The following IGF1 variants were observed in gnomAD, a reference collection of about 807,000 sequenced individuals.
IGF1 encodes the protein insulin like growth factor 1.
Under a neutral mutation model 13.8 loss-of-function variants are expected in IGF1, and 4 were observed. The observed-to-expected ratio is 0.29, with a 90% CI of 0.14 to 0.66. The LOEUF is 0.66. Ranked by LOEUF, IGF1 falls within the 30% of genes least tolerant of loss-of-function variation. The probability of loss-of-function intolerance (pLI) is 0.78; values close to 1 mark genes in which losing one functional copy is unlikely to be tolerated. For missense variants in IGF1, 124 were observed against 188.5 expected (o/e 0.66, Z 2.00); for synonymous variants, 76 against 72.6 (o/e 1.05, Z -0.23).
chr12:102,477,997 CTTTTT>C (rs66470486), intron 1 of IGF1, among the ~76,000 whole-genome samples: 1 of 127,506 alleles, frequency 7.8e-6, no homozygotes. Context: ...TTCTCTTTTT[CTTTTT>C]TTTTTTTTTT....
intron 2 of IGF1, among the ~76,000 whole-genome samples, chr12:102,422,799 T>C (rs1363717769): frequency 6.6e-6 from 1 of 152,238 alleles, no homozygotes; most frequent in African/African-American, 2.4e-5. Flanking sequence ...CTTGAGAAAC[T>C]CTTCATTAGG....
intron 2 of IGF1, among the ~76,000 whole-genome samples, chr12:102,445,005 A>G (rs1174057620): frequency 6.6e-6 from 1 of 151,964 alleles, no homozygotes; most frequent in East Asian, 1.9e-4. Context: ...TCCTTTCCCC[A>G]TTGCTTGTTT....
chr12:102,472,596 A>T (rs1037104350), intron 2 of IGF1, among the ~76,000 whole-genome samples: 6 of 152,204 alleles, frequency 3.9e-5, no homozygotes, highest in Non-Finnish European at 8.8e-5. Context: ...AGCCACAATA[A>T]AACTTTGAAA....
chr12:102,442,709 A>C (rs903157422), intron 2 of IGF1, among the ~76,000 whole-genome samples: 2 of 152,150 alleles, frequency 1.3e-5, no homozygotes, highest in Non-Finnish European at 2.9e-5. Flanking sequence ...GCAGCCGCTC[A>C]TTTGCTCTAA....
At chr12:102,479,301 C>T (rs1881263103) in intron 1 of IGF1, among the ~76,000 whole-genome samples, 2 of 152,158 alleles carry the variant, frequency 1.3e-5, no homozygotes, top group African/African-American at 4.8e-5. Context: ...TGTTTGAAAG[C>T]AGCAACTGAA....
At chr12:102,443,670 A>G (rs1198188895) in intron 2 of IGF1, among the ~76,000 whole-genome samples, 1 of 152,066 alleles carries the variant, frequency 6.6e-6, no homozygotes, top group Non-Finnish European at 1.5e-5. Flanking sequence ...TAATGCCTCC[A>G]ATGTCTCCAT....
intron 2 of IGF1, among the ~76,000 whole-genome samples, chr12:102,461,350 G>A (rs1036504987): frequency 5.3e-5 from 8 of 152,122 alleles, no homozygotes; most frequent in Admixed American, 2.0e-4. Flanking sequence ...TTGAAAAGCA[G>A]TTTTAAAGTT....
At chr12:102,418,230 A>G (rs1396091415) in intron 3 of IGF1, among the ~76,000 whole-genome samples, 1 of 152,224 alleles carries the variant, frequency 6.6e-6, no homozygotes, top group African/African-American at 2.4e-5. Flanking sequence ...TCACCTGGGA[A>G]GAGAAAGAAT....
At chr12:102,403,113 G>A (rs1873824976) in intron 3 of IGF1, among the ~76,000 whole-genome samples, 1 of 152,126 alleles carries the variant, frequency 6.6e-6, no homozygotes, top group South Asian at 2.1e-4. Flanking sequence ...GACATACTGG[G>A]CTGAGCTCAA....
upstream of IGF1, chr12:102,480,591 A>G: frequency 7.1e-7 from 1 of 1,409,578 alleles, no homozygotes; most frequent in Non-Finnish European, 9.2e-7. Flanking sequence ...CCTCACATTT[A>G]TCTACAAAAC....
chr12:102,441,097 T>G (rs986396307), intron 2 of IGF1, among the ~76,000 whole-genome samples: 5 of 152,204 alleles, frequency 3.3e-5, no homozygotes, highest in African/African-American at 1.2e-4. Flanking sequence ...TTCACTGCAC[T>G]TTGGACAGGC....
rs1191646300 is a variant in IGF1, at chr12:102,401,683, T to C, written c.*824A>G. 1 of 152,658 alleles carries C rather than the reference T, an allele frequency of 6.6e-6. No homozygotes were observed. The allele number at this position is 152,658 out of a possible 1,614,324, so 9.5% of individuals were successfully genotyped here. ...GATATGCTAAATTTACATAGTGCTC[T>C]ATATGGAAAAAATAAAAAGAGGAAA... On this transcript the variant is annotated 3_prime_UTR_variant, in exon 4 of 4. Transcript: ENST00000337514.
At chr12:102,461,495 C>T (rs1879892761) in intron 2 of IGF1, among the ~76,000 whole-genome samples, 1 of 148,312 alleles carries the variant, frequency 6.7e-6, no homozygotes, top group Non-Finnish European at 1.5e-5. Context: ...TCTGGCTGAG[C>T]ATAACAAAAG....
intron 3 of IGF1, among the ~76,000 whole-genome samples, chr12:102,406,789 G>T (rs536139490): frequency 3.2e-4 from 48 of 152,130 alleles, no homozygotes; most frequent in Non-Finnish European, 6.3e-4. Flanking sequence ...GCTATCCACA[G>T]ACTTTTCAAT....
intron 1 of IGF1, among the ~76,000 whole-genome samples, chr12:102,480,011 A>G (rs374319104): frequency 7.2e-5 from 11 of 152,052 alleles, no homozygotes; most frequent in African/African-American, 1.2e-4. Context: ...TCCATGCTCT[A>G]TAGCCCTTAG....
At chr12:102,414,526 A>G (rs1874916116) in intron 3 of IGF1, among the ~76,000 whole-genome samples, 1 of 152,140 alleles carries the variant, frequency 6.6e-6, no homozygotes, top group Non-Finnish European at 1.5e-5. Context: ...GGTTCAAGGA[A>G]TTCTCATGCC....
chr12:102,417,647 A>C, intron 3 of IGF1: 1 of 1,364,068 alleles, frequency 7.3e-7, no homozygotes, highest in Non-Finnish European at 9.4e-7. Flanking sequence ...CGTTTTCTCC[A>C]TGTTTCTTAG....
intron 2 of IGF1, among the ~76,000 whole-genome samples, chr12:102,447,245 T>C (rs887506640): frequency 2.0e-5 from 3 of 152,222 alleles, no homozygotes; most frequent in African/African-American, 7.2e-5. Context: ...TCAGGTCCGC[T>C]TGATCCAGAG....
chr12:102,442,137 C>T (rs1034337765), intron 2 of IGF1, among the ~76,000 whole-genome samples: 4 of 150,468 alleles, frequency 2.7e-5, no homozygotes, highest in African/African-American at 9.7e-5. Context: ...TTTGTAGAGA[C>T]AGGGTCTCAC....
Sources: gnomAD v4.1 joint callset for allele counts (sites outside exome capture counted in the v4.1 genomes callset) on GRCh38, gnomAD v4.1.1 for gene constraint, MANE v1.5 for transcripts, NCBI Gene and HGNC (gene_info 2026-07-23, HGNC 2026-07-21) for gene names.